Variants in PIP5K1A observed in about 807,000 individuals in gnomAD.
PIP5K1A encodes the protein phosphatidylinositol 4-phosphate 5-kinase type-1 alpha.
In PIP5K1A, 46 loss-of-function variants were observed where a neutral mutation model predicts 72.9. That is an observed-to-expected ratio of 0.63 (90% CI 0.50 to 0.81). The LOEUF (loss-of-function observed/expected upper bound fraction) is 0.81, where lower values mean the gene tolerates loss of function less well. Ranked by LOEUF, PIP5K1A falls within the 30% of genes least tolerant of loss-of-function variation. The probability of loss-of-function intolerance (pLI) is 0.00; values close to 1 mark genes in which losing one functional copy is unlikely to be tolerated. For synonymous variants in PIP5K1A, 228 were observed against 255.1 expected (o/e 0.89, Z 1.01); for missense variants, 458 against 706.1 (o/e 0.65, Z 3.98).
intron 1 of PIP5K1A, among the ~76,000 whole-genome samples, chr1:151,203,563 C>T (rs879642218): frequency 2.6e-5 from 4 of 151,238 alleles, no homozygotes; most frequent in African/African-American, 4.9e-5. Flanking sequence ...CAGTAGCTCA[C>T]GCCTGTAATC....
chr1:151,236,729 G>T lies in PIP5K1A; in HGVS notation c.1111G>T (p.Ala371Ser), dbSNP rs1335880667. 16 of 1,613,820 alleles carry T rather than the reference G, an allele frequency of 9.9e-6. No homozygotes were observed. The highest frequency in any genetic ancestry group is 1.1e-5 in the Non-Finnish European group (13 of 1,179,970). ...STAMESIQGEARRGGTMETDD... is the reference protein window; with the variant it reads ...STAMESIQGESRRGGTMETDD... ...AGCCATGGAATCCATCCAGGGAGAGGCTCGACGGGGTGGTACCATGGAGAC... is the reference window on the plus strand; with the variant it reads ...AGCCATGGAATCCATCCAGGGAGAGTCTCGACGGGGTGGTACCATGGAGAC... Residue 371 changes from alanine to serine, a missense_variant, in exon 9 of 16, where the codon GCT becomes TCT. Physicochemically the swap from Ala to Ser is moderately conservative, Grantham distance 99. This residue lies in a region of PIP5K1A where 220 missense variants were observed against 442.6 expected (regional missense o/e 0.50). Coordinates refer to ENST00000368888, the MANE Select transcript of PIP5K1A (RefSeq NM_001135638.2).
Position 151,224,276 on chromosome 1 carries a change from T to C in PIP5K1A, c.117T>C (p.Ser39=), listed in dbSNP as rs1688800788. 3.1e-6 allele frequency: 5 copies of C among 1,613,226 alleles called. No individual in the cohort carries two copies. Among genetic ancestry groups the C allele is most frequent in the Non-Finnish European group, 4.2e-6 (5 of 1,179,208 alleles). The change falls in exon 2 of 16, where the codon TCT becomes TCC. Residue 39 remains serine, a synonymous_variant. Transcript: ENST00000368888. ...AASGIKRPMA[S]EVLEARQDSY... Reference sequence around the variant, plus strand: ...CTGGAATCAAGAGACCCATGGCATCTGAGGTGAGTTTCATACTGATACAAT... The same window carrying C: ...CTGGAATCAAGAGACCCATGGCATCCGAGGTGAGTTTCATACTGATACAAT...
chr1:151,214,468 C>T (rs1442977398), intron 1 of PIP5K1A, among the ~76,000 whole-genome samples: 1 of 151,954 alleles, frequency 6.6e-6, no homozygotes, highest in East Asian at 1.9e-4. Context: ...GCTGCCTCTG[C>T]CACCCATTAT....
intron 1 of PIP5K1A, among the ~76,000 whole-genome samples, chr1:151,222,107 A>C (rs1183730743): frequency 6.6e-6 from 1 of 151,960 alleles, no homozygotes. Context: ...AAAATTACAT[A>C]TATTTTTTCC....
intron 1 of PIP5K1A, among the ~76,000 whole-genome samples, chr1:151,205,813 G>T (rs1375830884): frequency 6.6e-6 from 1 of 151,942 alleles, no homozygotes; most frequent in Non-Finnish European, 1.5e-5. Context: ...AAAGAAAAGG[G>T]AACAAGAAAA....
chr1:151,209,758 G>C (rs1327891201), intron 1 of PIP5K1A, among the ~76,000 whole-genome samples: 2 of 151,480 alleles, frequency 1.3e-5, no homozygotes, highest in Admixed American at 6.6e-5. Context: ...AGTAGAGACG[G>C]GGTTTCACCA....
At chr1:151,229,919 TA>T (rs587775070) in intron 4 of PIP5K1A, among the ~76,000 whole-genome samples, 27 of 147,052 alleles carry the variant, frequency 1.8e-4, no homozygotes, top group South Asian at 2.1e-4. Flanking sequence ...CCATCTCTAC[TA>T]AAAAAAAAAT....
At chr1:151,242,014 C>A in intron 12 of PIP5K1A, 109 bp from the exon 13 acceptor site, 1 of 1,111,362 alleles carries the variant, frequency 9.0e-7, no homozygotes, top group Non-Finnish European at 1.3e-6. Context: ...TTTCACTTTT[C>A]AGACCAACTT....
intron 4 of PIP5K1A, among the ~76,000 whole-genome samples, chr1:151,228,590 G>A (rs956304964): frequency 3.3e-5 from 5 of 152,196 alleles, no homozygotes; most frequent in Non-Finnish European, 7.3e-5. Context: ...AGGGAAAACA[G>A]AAGCATCCTG....
At position 151,248,941 on chromosome 1, in the gene PIP5K1A, C is replaced by T. The variant is rs1030553758; in HGVS notation, c.*1076C>T. On this transcript the variant is annotated 3_prime_UTR_variant, in exon 16 of 16. Transcript: ENST00000368888. The stretch of plus-strand genomic sequence containing the variant: ...TGAGGCCAGCAAATATTTTCTTAAA[C>T]TCATGGGGAGACAGCAGATTCTTGC... 1.3e-5 allele frequency: 2 copies of T among 152,486 alleles called. No individual in the cohort carries two copies. The highest frequency in any genetic ancestry group is 4.8e-5 in the African/African-American group (2 of 41,438). The allele number at this position is 152,486 out of a possible 1,614,324, so 9.4% of individuals were successfully genotyped here. A position where few individuals can be genotyped will look rare whatever the true frequency, so the allele number is the denominator to read the frequency against.
intron 12 of PIP5K1A, among the ~76,000 whole-genome samples, chr1:151,241,171 A>AG (rs1377463404): frequency 2.0e-5 from 3 of 150,568 alleles, no homozygotes; most frequent in African/African-American, 7.3e-5. Context: ...TCTCAAAAAA[A>AG]GTTATCTTTC....
chr1:151,236,491 T>G (rs1235700060), intron 8 of PIP5K1A, 67 bp from the exon 9 acceptor site: 4 of 1,251,694 alleles, frequency 3.2e-6, no homozygotes, highest in Non-Finnish European at 4.5e-6. Flanking sequence ...AACAAAAAAA[T>G]TGTGAGATCC....
chr1:151,221,419 C>A (rs923873953), intron 1 of PIP5K1A, among the ~76,000 whole-genome samples: 1 of 152,174 alleles, frequency 6.6e-6, no homozygotes, highest in African/African-American at 2.4e-5. Context: ...TATAGCCAAG[C>A]AATTAACCTA....
chr1:151,235,860 C>T (rs1433198596), intron 8 of PIP5K1A, among the ~76,000 whole-genome samples: 7 of 150,188 alleles, frequency 4.7e-5, no homozygotes, highest in African/African-American at 9.8e-5. Flanking sequence ...TGGTGGCTCA[C>T]GCCTGTAATC....
chr1:151,217,402 G>A (rs937275068), intron 1 of PIP5K1A, among the ~76,000 whole-genome samples: 5 of 152,110 alleles, frequency 3.3e-5, no homozygotes, highest in East Asian at 3.8e-4. Flanking sequence ...ACTTAAAACC[G>A]GGTTAAATGT....
Position 151,207,592 on chromosome 1 carries a change from C to T in PIP5K1A, c.85+8511C>T, listed in dbSNP as rs747958464. Among the ~76,000 whole-genome samples, 123 of 145,394 alleles carry T rather than the reference C, an allele frequency of 8.5e-4. 1 individual carries two copies. Among genetic ancestry groups the T allele is most frequent in the Non-Finnish European group, 1.4e-3 (96 of 67,122 alleles). ...TGTCCCTCAGGCTGGAGTGCAGTGG[C>T]GTGATCTCGGCTCACTGTGACCTCT... On this transcript the variant is annotated intron_variant, in intron 1 of 15. Transcript: ENST00000368888.
chr1:151,230,149 T>A (rs183805869), intron 4 of PIP5K1A, among the ~76,000 whole-genome samples: 2 of 152,134 alleles, frequency 1.3e-5, no homozygotes, highest in Non-Finnish European at 2.9e-5. Flanking sequence ...AGTAGAAATA[T>A]AAGTAATGCC....
At chr1:151,225,199 C>T (rs587636109) in intron 3 of PIP5K1A, among the ~76,000 whole-genome samples, 1 of 152,124 alleles carries the variant, frequency 6.6e-6, no homozygotes, top group Non-Finnish European at 1.5e-5. Context: ...GCCAGGTGCA[C>T]ACCATAGTCC....
chr1:151,225,126 G>C (rs2102456867), intron 3 of PIP5K1A, among the ~76,000 whole-genome samples: 1 of 152,278 alleles, frequency 6.6e-6, no homozygotes, highest in East Asian at 1.9e-4. Flanking sequence ...CTTGAGGCCA[G>C]GAGATCGAGA....
Sources: allele counts gnomAD v4.1 joint callset (sites outside exome capture counted in the v4.1 genomes callset), GRCh38; gene constraint gnomAD v4.1.1; regional missense constraint gnomAD v4.1.1; transcripts MANE v1.5; gene names NCBI Gene and HGNC (gene_info 2026-07-23, HGNC 2026-07-21).